The following ENPP6 variants were observed in gnomAD, a reference collection of about 807,000 sequenced individuals.
ENPP6 encodes the protein glycerophosphocholine cholinephosphodiesterase ENPP6.
Under a neutral mutation model 42.0 loss-of-function variants are expected in ENPP6, and 32 were observed. That is an observed-to-expected ratio of 0.76 (90% CI 0.58 to 1.02). ENPP6 has a LOEUF of 1.02. Ranked by LOEUF, ENPP6 falls within the 50% of genes least tolerant of loss-of-function variation. The pLI is 0.00. For synonymous variants in ENPP6, 213 were observed against 216.0 expected (o/e 0.99, Z 0.12); for missense variants, 552 against 566.8 (o/e 0.97, Z 0.27).
intron 2 of ENPP6, among the ~76,000 whole-genome samples, chr4:184,147,022 A>G (rs1296084250): frequency 6.6e-6 from 1 of 152,114 alleles, no homozygotes; most frequent in Non-Finnish European, 1.5e-5. Context: ...TTGTATCTCC[A>G]GCCCTCTTCT....
rs1207412012 is a variant in ENPP6 at position 184,089,205 on chromosome 4, C to T, written c.*1972G>A. The T allele has an allele frequency of 2.0e-5, 3 of 152,166 alleles. No homozygotes were observed. Among genetic ancestry groups the T allele is most frequent in the Non-Finnish European group, 2.9e-5 (2 of 68,030 alleles). The allele number at this position is 152,166 out of a possible 1,614,324, so 9.4% of individuals were successfully genotyped here. ...TCCAATTGATCCGATGGTTTACTGG[C>T]GCTTTTAAAACACATTACATAAATC... On this transcript the variant is annotated 3_prime_UTR_variant, in exon 8 of 8. Coordinates refer to ENST00000296741, the MANE Select transcript of ENPP6 (RefSeq NM_153343.4).
At chr4:184,126,330 T>G (rs1736502151) in intron 2 of ENPP6, among the ~76,000 whole-genome samples, 2 of 152,166 alleles carry the variant, frequency 1.3e-5, no homozygotes, top group Admixed American at 6.5e-5. Context: ...GAAAACAAAC[T>G]TTTTTTTATT....
At chr4:184,091,885 G>T (rs1560975179) in intron 7 of ENPP6, among the ~76,000 whole-genome samples, 1 of 152,188 alleles carries the variant, frequency 6.6e-6, no homozygotes, top group African/African-American at 2.4e-5. Flanking sequence ...AAGAGAGCAA[G>T]ATCCTGTCTC....
Position 184,214,769 on chromosome 4 carries a change from G to A in ENPP6, c.241+2810C>T, listed in dbSNP as rs183790249. 5.1e-3 allele frequency among the ~76,000 whole-genome samples: 778 copies of A among 152,274 alleles called. 8 individuals are homozygous for A. The highest frequency in any genetic ancestry group is 0.018 in the African/African-American group (736 of 41,528). On this transcript the variant is annotated intron_variant, in intron 1 of 7. Coordinates refer to ENST00000296741, the MANE Select transcript of ENPP6 (RefSeq NM_153343.4). ...CACCACATGTTCTCACTCATAAGTG[G>A]GAGTTGAACAATGAGAACACATGGA... is the stretch of plus-strand genomic sequence containing the variant.
At chr4:184,206,251 ATT>A (rs1554000365) in intron 1 of ENPP6, among the ~76,000 whole-genome samples, 7 of 93,392 alleles carry the variant, frequency 7.5e-5, no homozygotes, top group African/African-American at 4.5e-5. Context: ...GGAAGCTTGA[ATT>A]TTTTTTTTTT....
intron 6 of ENPP6, among the ~76,000 whole-genome samples, chr4:184,105,451 A>G (rs1475650136): frequency 6.6e-6 from 1 of 152,228 alleles, no homozygotes; most frequent in African/African-American, 2.4e-5. Context: ...TGAAATGTTT[A>G]GAACATCTTA....
At chr4:184,145,350 C>G (rs1489858645) in intron 2 of ENPP6, among the ~76,000 whole-genome samples, 2 of 152,126 alleles carry the variant, frequency 1.3e-5, no homozygotes, top group African/African-American at 4.8e-5. Flanking sequence ...ATCCTCTCCC[C>G]TTTTTCTTCT....
At chr4:184,203,089 CA>C (rs11305855) in intron 1 of ENPP6, among the ~76,000 whole-genome samples, 93,211 of 146,288 alleles carry the variant, frequency 0.64, 29,570 homozygotes, top group East Asian at 0.92. Flanking sequence ...ACTAAAAATA[CA>C]AAAAAAAAAA....
intron 1 of ENPP6, among the ~76,000 whole-genome samples, chr4:184,157,413 CTTTCTTTCTTTCTTTCCT>C (rs1737178432): frequency 8.2e-6 from 1 of 122,220 alleles, no homozygotes; most frequent in Non-Finnish European, 1.7e-5. Flanking sequence ...CTTTCTCTTT[CTTTCTTTCTTTCTTTCCT>C]TTTCTTTCTT....
intron 1 of ENPP6, among the ~76,000 whole-genome samples, chr4:184,169,695 A>T (rs1327728220): frequency 6.6e-6 from 1 of 152,204 alleles, no homozygotes; most frequent in African/African-American, 2.4e-5. Context: ...GAGGCTTCTG[A>T]GTACTGGGCC....
intron 1 of ENPP6, among the ~76,000 whole-genome samples, chr4:184,198,130 G>A (rs1732832679): frequency 6.6e-6 from 1 of 152,246 alleles, no homozygotes; most frequent in South Asian, 2.1e-4. Flanking sequence ...AGAAAAGAGT[G>A]CAACCTCAGC....
intron 1 of ENPP6, among the ~76,000 whole-genome samples, chr4:184,176,328 T>C (rs528529864): frequency 6.6e-6 from 1 of 152,312 alleles, no homozygotes; most frequent in Non-Finnish European, 1.5e-5. Flanking sequence ...ATTGCCAACA[T>C]TATTTGCTTA....
intron 2 of ENPP6, among the ~76,000 whole-genome samples, chr4:184,136,911 C>T (rs1184258176): frequency 1.3e-5 from 2 of 152,196 alleles, no homozygotes; most frequent in Admixed American, 1.3e-4. Context: ...GCCCCATTTT[C>T]CCTCTCCTGC....
At chr4:184,137,585 G>T (rs546704800) in intron 2 of ENPP6, among the ~76,000 whole-genome samples, 1 of 152,312 alleles carries the variant, frequency 6.6e-6, no homozygotes, top group African/African-American at 2.4e-5. Flanking sequence ...GAGGATTTAG[G>T]CTATGAGCAG....
chr4:184,203,424 C>T (rs898919719), intron 1 of ENPP6, among the ~76,000 whole-genome samples: 2 of 152,128 alleles, frequency 1.3e-5, no homozygotes, highest in Non-Finnish European at 2.9e-5. Context: ...ACTGAAGTTC[C>T]CAGCCTCAGG....
chr4:184,199,415 A>G (rs1015723947), intron 1 of ENPP6, among the ~76,000 whole-genome samples: 20 of 152,226 alleles, frequency 1.3e-4, no homozygotes, highest in Non-Finnish European at 2.5e-4. Context: ...TTTTCTCCCA[A>G]ACATTTACGT....
intron 1 of ENPP6, among the ~76,000 whole-genome samples, chr4:184,167,861 T>TGTGATTCA (rs1429779097): frequency 6.6e-6 from 1 of 152,206 alleles, no homozygotes; most frequent in Non-Finnish European, 1.5e-5. Flanking sequence ...ACACTGGGTC[T>TGTGATTCA]CATTCAGTGA....
In ENPP6 at chr4:184,117,855, G is replaced by A. The variant is rs140638467; in HGVS notation, c.579C>T (p.Asp193=). The part of the protein sequence containing the change: ...DLAAIYHERI[D]VEGHHYGPAS... ...CAGGCCCGTAGTGGTGGCCTTCCAC[G>A]TCAATGCGCTCATGGTATATGGCTG... is the stretch of plus-strand genomic sequence containing the variant. Residue 193 remains aspartate, a synonymous_variant, in exon 4 of 8, where the codon GAC becomes GAT. Transcript: ENST00000296741. 112 of 1,614,102 alleles carry A rather than the reference G, an allele frequency of 6.9e-5. No individual in the cohort carries two copies. The East Asian group carries it at 1.4e-3, about 20-fold the overall frequency.
chr4:184,156,738 G>A (rs754589816), intron 1 of ENPP6, among the ~76,000 whole-genome samples: 20 of 152,226 alleles, frequency 1.3e-4, no homozygotes, highest in Non-Finnish European at 2.6e-4. Context: ...TCCTGGAATC[G>A]TTCCCATAGC....
Sources: gnomAD v4.1 joint callset for allele counts (sites outside exome capture counted in the v4.1 genomes callset) on GRCh38, gnomAD v4.1.1 for gene constraint, MANE v1.5 for transcripts, NCBI Gene and HGNC (gene_info 2026-07-23, HGNC 2026-07-21) for gene names.